The following GJC3 variants were observed in gnomAD, a reference collection of about 807,000 sequenced individuals.
GJC3 encodes the protein gap junction protein gamma 3.
A neutral mutation model predicts 19.8 loss-of-function variants in GJC3; 17 were observed. That is an observed-to-expected ratio of 0.86 (90% CI 0.59 to 1.29). The LOEUF (loss-of-function observed/expected upper bound fraction) is 1.29. GJC3 is among the 50% of genes most tolerant of loss of function. GJC3 has a pLI of 0.00. For missense variants in GJC3, 317 were observed against 332.5 expected (o/e 0.95, Z 0.36); for synonymous variants, 140 against 136.5 (o/e 1.03, Z -0.18).
At chr7:99,928,105 T>G (rs779145653) in intron 1 of GJC3, among the ~76,000 whole-genome samples, 1 of 152,180 alleles carries the variant, frequency 6.6e-6, no homozygotes, top group Non-Finnish European at 1.5e-5. Context: ...TGAGGGGCAT[T>G]CATTTACAAA....
In GJC3 at chr7:99,929,357, G is replaced by T. The variant is rs779080462; in HGVS notation, c.264C>A (p.Ser88Arg). The stretch of plus-strand genomic sequence containing the variant: ...ACAGAGTGAAACCCATATAGAGGGC[G>T]CTGGGTACAGCCACCAAGATGACCT... ...VFQVILVAVP[S>R]ALYMGFTLYH... The change falls in exon 1 of 2, where the codon AGC (serine) becomes AGA (arginine). Residue 88 changes from serine to arginine, a missense_variant. Transcript: ENST00000312891. The T allele has an allele frequency of 1.2e-6, 2 of 1,614,018 alleles. No individual in the cohort carries two copies. Among genetic ancestry groups the T allele is most frequent in the East Asian group, 2.2e-5 (1 of 44,884 alleles).
chr7:99,929,081 G>A lies in GJC3; in HGVS notation c.540C>T (p.Cys180=). The A allele has an allele frequency of 1.2e-6, 2 of 1,614,030 alleles. No individual in the cohort carries two copies. Among genetic ancestry groups the A allele is most frequent in the African/African-American group, 1.3e-5 (1 of 75,046 alleles). Residue 180 remains cysteine (C), a synonymous_variant, in exon 1 of 2, where the codon TGC becomes TGT. Transcript: ENST00000312891. ...RREPCLGSIT[C]NLSRPSEKTI... ...TCTTCTCAGAGGGGCGGGACAGATT[G>A]CAGGTTATACTACCAAGGCAAGGTT...
intron 1 of GJC3, 125 bp downstream of exon 1, chr7:99,928,715 A>C (rs879576111): frequency 1.4e-5 from 12 of 871,560 alleles, no homozygotes; most frequent in Non-Finnish European, 2.1e-5. Flanking sequence ...ACATCTGCCT[A>C]GAACCTGGTT....
At chr7:99,924,592 A>AT (rs1819754381) in intron 1 of GJC3, among the ~76,000 whole-genome samples, 2 of 152,240 alleles carry the variant, frequency 1.3e-5, no homozygotes, top group Admixed American at 1.3e-4. Context: ...AAGAAAAAAA[A>AT]GTGAGTAGTT....
At chr7:99,926,120 G>A (rs1819793831) in intron 1 of GJC3, among the ~76,000 whole-genome samples, 1 of 152,172 alleles carries the variant, frequency 6.6e-6, no homozygotes, top group Non-Finnish European at 1.5e-5. Flanking sequence ...GATAACCTGA[G>A]GTCAGGAGTT....
chr7:99,925,473 T>C (rs964399633), intron 1 of GJC3, among the ~76,000 whole-genome samples: 59 of 152,178 alleles, frequency 3.9e-4, no homozygotes, highest in African/African-American at 1.4e-3. Context: ...TTTATGGCTG[T>C]GAATTAGGCA....
chr7:99,924,845 G>T (rs1254514931), intron 1 of GJC3, among the ~76,000 whole-genome samples: 1 of 152,174 alleles, frequency 6.6e-6, no homozygotes, highest in Non-Finnish European at 1.5e-5. Flanking sequence ...GGGGAAGAGG[G>T]AGTAGCACTT....
At chr7:99,925,692 A>G (rs1819785401) in intron 1 of GJC3, among the ~76,000 whole-genome samples, 1 of 152,248 alleles carries the variant, frequency 6.6e-6, no homozygotes, top group Non-Finnish European at 1.5e-5. Flanking sequence ...CAACAAAAAT[A>G]CAAAAAACTC....
intron 1 of GJC3, among the ~76,000 whole-genome samples, chr7:99,928,463 A>C (rs1185920030): frequency 6.6e-6 from 1 of 152,248 alleles, no homozygotes; most frequent in African/African-American, 2.4e-5. Context: ...AGAAGATTCA[A>C]TCACAGAGTT....
Position 99,923,391 on chromosome 7 carries a change from C to A in GJC3, c.*154G>T. The A allele has an allele frequency of 1.4e-6, 1 of 727,724 alleles. No individual in the cohort carries two copies. The highest frequency in any genetic ancestry group is 2.5e-6 in the Non-Finnish European group (1 of 394,674). 45.1% of individuals were successfully genotyped at this position (727,724 alleles called of 1,614,324 possible). Reference sequence around the variant, plus strand: ...CTTTTATTAGTCTGGTTAGCTGAGTCATTGTATGTAGAGGTGGAGTCAAGG... The same window carrying A: ...CTTTTATTAGTCTGGTTAGCTGAGTAATTGTATGTAGAGGTGGAGTCAAGG... On this transcript the variant is annotated 3_prime_UTR_variant, in exon 2 of 2. Transcript: ENST00000312891.
intron 1 of GJC3, among the ~76,000 whole-genome samples, 160 bp downstream of exon 1, chr7:99,928,680 A>C (rs567235926): frequency 6.6e-6 from 1 of 152,292 alleles, no homozygotes; most frequent in East Asian, 1.9e-4. Context: ...GAACAAAGAA[A>C]AGGGTTGGGA....
At chr7:99,928,022 TAG>T (rs1402505376) in intron 1 of GJC3, among the ~76,000 whole-genome samples, 1 of 152,224 alleles carries the variant, frequency 6.6e-6, no homozygotes, top group African/African-American at 2.4e-5. Flanking sequence ...GATAAATCTA[TAG>T]ATATTAGAGG....
In GJC3 at chr7:99,929,249, ATC is replaced by A; in HGVS notation, c.370_371del (p.Asp124CysfsTer53). The A allele has an allele frequency of 6.2e-7, 1 of 1,614,162 alleles. No homozygotes were observed. Among genetic ancestry groups the A allele is most frequent in the Non-Finnish European group, 8.5e-7 (1 of 1,180,016 alleles). On this transcript the variant is annotated frameshift_variant, in exon 1 of 2. Transcript: ENST00000312891. LOFTEE classifies it high-confidence loss of function. ...GCCTGAGGCTTCCAGCCCCTGGGACATCTGTGTTGCCCTCCCGTCCCTGGATC... is the reference window on the plus strand; with the variant it reads ...GCCTGAGGCTTCCAGCCCCTGGGACATGTGTTGCCCTCCCGTCCCTGGATC... ...TLIQGREGNT[D>X]VPGAGSLRLL...
rs771020964 is a variant in GJC3 at position 99,929,055 on chromosome 7, G to GTCT, written c.563_565dup (p.Lys188dup). ...TCCAAACATGGTCTTTAGGAAAATG[G>GTCT]TCTTCTCAGAGGGGCGGGACAGATT... On this transcript the variant is annotated inframe_insertion, in exon 1 of 2. Coordinates refer to ENST00000312891, the MANE Select transcript of GJC3 (RefSeq NM_181538.3). 8 of 1,614,130 alleles carry GTCT rather than the reference G, an allele frequency of 5.0e-6. No individual in the cohort carries two copies. Among genetic ancestry groups the GTCT allele is most frequent in the Non-Finnish European group, 6.8e-6 (8 of 1,180,030 alleles).
In GJC3 at chr7:99,923,557, G is replaced by T. The variant is rs1819724431; in HGVS notation, c.828C>A (p.Pro276=). ...LAQEKQRPVG[P]RDA ...GTTCATCTCCAACTCAGGCATCTCTGGGTCCAACTGGTCTTTGTTTTTCCT... is the reference window on the plus strand; with the variant it reads ...GTTCATCTCCAACTCAGGCATCTCTTGGTCCAACTGGTCTTTGTTTTTCCT... The change falls in exon 2 of 2, where the codon CCC becomes CCA. Residue 276 remains proline, a synonymous_variant. Transcript: ENST00000312891. The T allele has an allele frequency of 2.6e-6, 2 of 780,852 alleles. No individual in the cohort carries two copies. Among genetic ancestry groups the T allele is most frequent in the Non-Finnish European group, 4.8e-6 (2 of 418,114 alleles). The allele number at this position is 780,852 out of a possible 1,614,324, so 48.4% of individuals were successfully genotyped here.
intron 1 of GJC3, among the ~76,000 whole-genome samples, chr7:99,926,704 T>A (rs987620058): frequency 1.3e-5 from 2 of 152,054 alleles, no homozygotes; most frequent in Non-Finnish European, 2.9e-5. Flanking sequence ...GGGGGTAGGG[T>A]TTTTTTAAGT....
At position 99,927,622 on chromosome 7, in the gene GJC3, G is replaced by C. The variant is rs190779786; in HGVS notation, c.781+1218C>G. Among the ~76,000 whole-genome samples the C allele has an allele frequency of 8.1e-5, 12 of 147,628 alleles. No homozygotes were observed. The East Asian group carries it at 1.9e-3, about 24-fold the overall frequency. ...TCAGGGCAAGAGAAAACTAAGAAAA[G>C]AGGGCAGCGTTCTGTTAAAAAAAAA... is the stretch of plus-strand genomic sequence containing the variant. On this transcript the variant is annotated intron_variant, in intron 1 of 1. Transcript: ENST00000312891.
In GJC3 at chr7:99,929,068, G is replaced by A. The variant is rs757817137; in HGVS notation, c.553C>T (p.Pro185Ser). The change falls in exon 1 of 2, where the codon CCC (proline) becomes TCC (serine). Residue 185 changes from proline to serine, a missense_variant. Transcript: ENST00000312891. ...TTTAGGAAAATGGTCTTCTCAGAGG[G>A]GCGGGACAGATTGCAGGTTATACTA... ...LGSITCNLSR[P>S]SEKTIFLKTM... 1.7e-5 allele frequency: 27 copies of A among 1,614,086 alleles called. No individual in the cohort carries two copies. The highest frequency in any genetic ancestry group is 2.1e-5 in the Non-Finnish European group (25 of 1,180,030).
chr7:99,929,150 G>C lies in GJC3; in HGVS notation c.471C>G (p.His157Gln). Residue 157 changes from histidine (H) to glutamine (Q), a missense_variant, in exon 1 of 2, where the codon CAC (histidine) becomes CAG (glutamine). By Grantham distance (24) the His-to-Gln change is conservative (BLOSUM62 0). Transcript: ENST00000312891. Reference protein sequence around the residue: ...LEGAALGLQYHLYGFQMPSSF... With the variant: ...LEGAALGLQYQLYGFQMPSSF... ...AGCTGGGCATCTGGAACCCATACAG[G>C]TGGTACTGCAACCCCAGGGCTGCCC... is the stretch of plus-strand genomic sequence containing the variant. 3 of 1,613,886 alleles carry C rather than the reference G, an allele frequency of 1.9e-6. No homozygotes were observed. Among genetic ancestry groups the C allele is most frequent in the Admixed American group, 1.7e-5 (1 of 60,016 alleles).
Sources: gnomAD v4.1 joint callset for allele counts (sites outside exome capture counted in the v4.1 genomes callset) on GRCh38, gnomAD v4.1.1 for gene constraint, MANE v1.5 for transcripts, NCBI Gene and HGNC (gene_info 2026-07-23, HGNC 2026-07-21) for gene names.